Variants in PROSER3 observed in about 807,000 individuals in gnomAD.
PROSER3 encodes proline and serine-rich protein 3.
A neutral mutation model predicts 50.2 loss-of-function variants in PROSER3; 33 were observed. That is an observed-to-expected ratio of 0.66 (90% CI 0.50 to 0.88). The LOEUF is 0.88. PROSER3 is among the 40% of genes least tolerant of loss of function. The pLI is 0.00. For synonymous variants in PROSER3, 266 were observed against 259.3 expected (o/e 1.03, Z -0.25); for missense variants, 623 against 612.7 (o/e 1.02, Z -0.18).
At chr19:35,758,671 CTTTCT>C in intron 1 of PROSER3, 1 of 168,114 alleles carries the variant, frequency 5.9e-6, no homozygotes, top group Admixed American at 6.4e-5. Flanking sequence ...TTCTTTCTTT[CTTTCT>C]TTTTTTTTAA....
exon 4 of PROSER3, chr19:35,762,036 G>T (rs768331849): frequency 1.9e-6 from 3 of 1,608,014 alleles, no homozygotes; most frequent in South Asian, 2.2e-5. Flanking sequence ...AACAGGTTCC[G>T]CCAGGCTCAG....
intron 3 of PROSER3, among the ~76,000 whole-genome samples, chr19:35,761,081 G>A (rs893836101): frequency 3.3e-5 from 5 of 152,210 alleles, no homozygotes; most frequent in Non-Finnish European, 5.9e-5. Context: ...ACTCTAGGCC[G>A]TTGCCCTTTC....
intron 3 of PROSER3, among the ~76,000 whole-genome samples, chr19:35,761,400 A>G (rs929409181): frequency 6.6e-6 from 1 of 152,180 alleles, no homozygotes; most frequent in African/African-American, 2.4e-5. Context: ...GCAGGGCTGC[A>G]GTGGCTCACG....
Position 35,759,981 on chromosome 19 carries a change from G to A in PROSER3, c.301G>A (p.Val101Met), listed in dbSNP as rs201817549. 1.6e-5 allele frequency: 25 copies of A among 1,591,290 alleles called. No individual in the cohort carries two copies. The African/African-American group carries it at 2.4e-4, about 15-fold the overall frequency. The stretch of plus-strand genomic sequence containing the variant: ...CACCCTGATTGACAGCGGGGACTCC[G>A]TGGTGGCCAAGTAAGTACCAGCAGC... The change falls in exon 3 of 11, where the codon GTG becomes ATG. Residue 101 changes from valine (V) to methionine (M), a missense_variant. Val to Met is a conservative substitution (Grantham distance 21). Around this residue, in one of 3 missense-constraint regions of PROSER3, gnomAD observed 236 missense variants for 243.6 expected, o/e 0.97. Transcript: ENST00000396908.
At chr19:35,758,431 C>A in intron 1 of PROSER3, 1 of 526,648 alleles carries the variant, frequency 1.9e-6, no homozygotes, top group Non-Finnish European at 3.2e-6. Context: ...GTCTTATGTT[C>A]CTCTCTGAGT....
intron 2 of PROSER3, 41 bp downstream of exon 2, chr19:35,759,511 A>G: frequency 6.5e-7 from 1 of 1,530,168 alleles, no homozygotes; most frequent in South Asian, 1.2e-5. Flanking sequence ...CCAGCCCAGT[A>G]GCAAGAGAAT....
At chr19:35,763,304 C>G (rs1249461363) in intron 5 of PROSER3, among the ~76,000 whole-genome samples, 1 of 151,570 alleles carries the variant, frequency 6.6e-6, no homozygotes, top group Non-Finnish European at 1.5e-5. Flanking sequence ...CGGGGTCAAG[C>G]AATTCTTCTG....
At position 35,768,032 on chromosome 19, in the gene PROSER3, G is replaced by A. The variant is rs763980148; in HGVS notation, c.1186G>A (p.Ala396Thr). ...CCACGCCCCCTCGGAGGCCCTGCTT[G>A]CCCAGGCCGCCCTGCTGCTGCAGGC... is the stretch of plus-strand genomic sequence containing the variant. Residue 396 changes from alanine to threonine, a missense_variant, in exon 9 of 11, where the codon GCC becomes ACC. Transcript: ENST00000396908. 6 of 1,580,630 alleles carry A rather than the reference G, an allele frequency of 3.8e-6. No individual in the cohort carries two copies. In the South Asian group the frequency reaches 4.6e-5, roughly 12 times the overall value.
chr19:35,768,093 G>C (rs1449233088), intron 9 of PROSER3, 28 bp downstream of exon 9: 2 of 1,591,820 alleles, frequency 1.3e-6, no homozygotes, highest in Admixed American at 3.5e-5. Context: ...CTGGATGTTG[G>C]AGGCAGGCCA....
chr19:35,763,935 C>T (rs372243598), intron 5 of PROSER3, among the ~76,000 whole-genome samples: 12 of 151,480 alleles, frequency 7.9e-5, no homozygotes, highest in African/African-American at 2.4e-4. Flanking sequence ...CTACAGCATG[C>T]GCCACCATGC....
chr19:35,768,708 C>T, exon 11 of PROSER3: 1 of 752,234 alleles, frequency 1.3e-6, no homozygotes, highest in Non-Finnish European at 1.9e-6. Context: ...CTGCCCCCCA[C>T]CCCTTCCTGA....
intron 1 of PROSER3, 114 bp from the exon 2 acceptor site, chr19:35,759,260 T>C: frequency 1.2e-6 from 1 of 804,994 alleles, no homozygotes; most frequent in Non-Finnish European, 2.0e-6. Flanking sequence ...GAAATGACAG[T>C]CCGTCTCCTC....
exon 11 of PROSER3, chr19:35,768,418 G>C (rs2146638786): frequency 1.9e-6 from 3 of 1,596,994 alleles, no homozygotes; most frequent in Non-Finnish European, 2.5e-6. Flanking sequence ...GCGGATGCCC[G>C]ATTATCGTTC....
intron 8 of PROSER3, chr19:35,767,286 C>T: frequency 3.1e-6 from 1 of 321,212 alleles, no homozygotes; most frequent in African/African-American, 2.2e-5. Context: ...TCCCTTGGGG[C>T]TGTTCCTCCC....
At position 35,768,143 on chromosome 19, in the gene PROSER3, TC is replaced by T. The variant is rs772098849; in HGVS notation, c.1220-8del. 15 of 1,611,500 alleles carry T rather than the reference TC, an allele frequency of 9.3e-6. No homozygotes were observed. In the Middle Eastern group the frequency reaches 1.3e-3, roughly 141 times the overall value. On this transcript the variant is annotated splice_polypyrimidine_tract_variant and intron_variant, in intron 9 of 10. Transcript: ENST00000396908. Reference sequence around the variant, plus strand: ...CGGCCCCTTGGAGCTCATTCTTTTCTCCCCGGCCCAGACTCCGACGGCAGCG... The same window carrying T: ...CGGCCCCTTGGAGCTCATTCTTTTCTCCCGGCCCAGACTCCGACGGCAGCG...
chr19:35,768,540 C>T (rs777914201), exon 11 of PROSER3: 1 of 1,589,894 alleles, frequency 6.3e-7, no homozygotes, highest in Admixed American at 1.7e-5. Flanking sequence ...GGCCAGAAGA[C>T]TTTGAATTGT....
chr19:35,758,274 A>C (rs1226717276), intron 1 of PROSER3, 48 bp downstream of exon 1: 1 of 1,552,320 alleles, frequency 6.4e-7, no homozygotes. Flanking sequence ...GGGGAGGACC[A>C]ACGGCGAGAG....
chr19:35,766,083 A>C lies in PROSER3; in HGVS notation c.770-685A>C, dbSNP rs193157916. Among the ~76,000 whole-genome samples the C allele has an allele frequency of 2.2e-4, 33 of 152,180 alleles. 1 individual carries two copies. The East Asian group carries it at 6.4e-3, about 29-fold the overall frequency. On this transcript the variant is annotated intron_variant, in intron 7 of 10. Transcript: ENST00000396908. ...CCCTCTGGCTGAGAGTAGGGAACAG[A>C]TTTGGAGGAGAGTAGAGAGACCAGG...
rs922025271 is a variant in PROSER3 at position 35,767,709 on chromosome 19, C to T, written c.958-95C>T. ...GACACGCCTCCTCACTTCGAGGGCCCCCCTCCACCCAAGGCTGGATCTCCG... is the reference window on the plus strand; with the variant it reads ...GACACGCCTCCTCACTTCGAGGGCCTCCCTCCACCCAAGGCTGGATCTCCG... On this transcript the variant is annotated intron_variant, in intron 8 of 10. Coordinates refer to ENST00000396908, the Ensembl canonical transcript of PROSER3. 1.6e-5 allele frequency: 24 copies of T among 1,456,188 alleles called. No individual in the cohort carries two copies. The East Asian group carries it at 3.7e-4, about 23-fold the overall frequency. 90.2% of individuals were successfully genotyped at this position (1,456,188 alleles called of 1,614,324 possible).
Sources: allele counts gnomAD v4.1 joint callset (sites outside exome capture counted in the v4.1 genomes callset), GRCh38; gene constraint gnomAD v4.1.1; regional missense constraint gnomAD v4.1.1; transcripts MANE v1.5; gene names NCBI Gene and HGNC (gene_info 2026-07-23, HGNC 2026-07-21).